The following IQGAP2 variants were observed in gnomAD, a reference collection of about 807,000 sequenced individuals.
IQGAP2 encodes the protein ras GTPase-activating-like protein IQGAP2.
Under a neutral mutation model 201.3 loss-of-function variants are expected in IQGAP2, and 173 were observed. The ratio of observed to expected loss-of-function variants is 0.86; its 90% CI spans 0.76 to 0.98. The LOEUF is 0.98. Ranked by LOEUF, IQGAP2 falls within the 50% of genes least tolerant of loss-of-function variation. IQGAP2 has a pLI of 0.00. For synonymous variants in IQGAP2, 675 were observed against 673.9 expected, an observed-to-expected ratio of 1.00 and a Z score of -0.03; for missense variants, 1,687 against 1,864.8, an observed-to-expected ratio of 0.90 and a Z score of 1.76.
At chr5:76,545,759 G>A (rs1315460671) in intron 2 of IQGAP2, among the ~76,000 whole-genome samples, 2 of 152,036 alleles carry the variant, frequency 1.3e-5, no homozygotes, top group Admixed American at 6.6e-5. Context: ...TTTTACCCAG[G>A]TTTTTTCACA....
chr5:76,668,620 A>G (rs1744006225), intron 22 of IQGAP2, 61 bp from the exon 23 acceptor site: 1 of 1,348,902 alleles, frequency 7.4e-7, no homozygotes. Context: ...GTGCTTTAAT[A>G]ATATATTAAC....
In IQGAP2 at chr5:76,611,151, G is replaced by A. The variant is rs1748372966; in HGVS notation, c.1489G>A (p.Val497Ile). 3 of 1,612,512 alleles carry A rather than the reference G, an allele frequency of 1.9e-6. No individual in the cohort carries two copies. ...AGCCCATGCCCAGCACTACCAGGATGTTTTATACCATGCTAAATCACAGAA... is the reference window on the plus strand; with the variant it reads ...AGCCCATGCCCAGCACTACCAGGATATTTTATACCATGCTAAATCACAGAA... ...DPAHAQHYQD[V>I]LYHAKSQKLG... is the part of the protein sequence containing the mutation. Residue 497 changes from valine (V) to isoleucine (I), a missense_variant, in exon 13 of 36, where the codon GTT (valine) becomes ATT (isoleucine). Physicochemically the swap from Val to Ile is conservative, Grantham distance 29 (BLOSUM62 3). Transcript: ENST00000274364.
chr5:76,598,515 G>A lies in IQGAP2; in HGVS notation c.1071+913G>A, dbSNP rs1205406932. Reference sequence around the variant, plus strand: ...TAAAAAATATATAAATTAAAACACAGTACACTTATGATTTAAAATTAGATT... The same window carrying A: ...TAAAAAATATATAAATTAAAACACAATACACTTATGATTTAAAATTAGATT... On this transcript the variant is annotated intron_variant, in intron 10 of 35. Transcript: ENST00000274364. Among the ~76,000 whole-genome samples, 4 of 151,904 alleles carry A rather than the reference G, an allele frequency of 2.6e-5. No homozygotes were observed. In the South Asian group the frequency reaches 8.3e-4, roughly 32 times the overall value.
chr5:76,555,870 C>T (rs557297587), intron 2 of IQGAP2, among the ~76,000 whole-genome samples: 12 of 152,268 alleles, frequency 7.9e-5, no homozygotes, highest in African/African-American at 2.9e-4. Context: ...AGGGGTGGTG[C>T]ACCTCTCACA....
At chr5:76,544,921 C>T (rs1743003694) in intron 2 of IQGAP2, among the ~76,000 whole-genome samples, 1 of 151,816 alleles carries the variant, frequency 6.6e-6, no homozygotes, top group South Asian at 2.1e-4. Flanking sequence ...TAGTTATATA[C>T]AGTACATATA....
Position 76,623,936 on chromosome 5 carries a change from C to CTTTTTTTTTTT in IQGAP2, c.1522-3468_1522-3458dup, listed in dbSNP as rs368076875. On this transcript the variant is annotated intron_variant, in intron 13 of 35. Transcript: ENST00000274364. ...CGGGTGAGGATGGCGTTTGTTCAGG[C>CTTTTTTTTTTT]TTTTTTTTTTTTTTTTGCCTTATCT... 2.0e-5 allele frequency among the ~76,000 whole-genome samples: 2 copies of CTTTTTTTTTTT among 100,782 alleles called. 1 individual carries two copies. Among genetic ancestry groups the CTTTTTTTTTTT allele is most frequent in the Non-Finnish European group, 3.8e-5 (2 of 53,250 alleles). 66.1% of individuals were successfully genotyped at this position (100,782 alleles called of 152,430 possible).
intron 1 of IQGAP2, chr5:76,441,631 G>A: frequency 2.2e-6 from 1 of 455,912 alleles, no homozygotes; most frequent in Non-Finnish European, 2.9e-6. Flanking sequence ...TCCCATTCGA[G>A]CACTACCTTT....
chr5:76,652,039 A>G (rs2150428432), intron 17 of IQGAP2, among the ~76,000 whole-genome samples: 1 of 152,308 alleles, frequency 6.6e-6, no homozygotes, highest in East Asian at 1.9e-4. Context: ...AGTTACAAAG[A>G]TGTTTCAATA....
chr5:76,600,400 C>T (rs543233850), intron 10 of IQGAP2, among the ~76,000 whole-genome samples: 2 of 152,230 alleles, frequency 1.3e-5, no homozygotes, highest in Admixed American at 1.3e-4. Context: ...CCCAACCTTC[C>T]CTTAACCCTT....
intron 13 of IQGAP2, chr5:76,623,248 C>T (rs768780535): frequency 1.1e-5 from 18 of 1,613,770 alleles, no homozygotes; most frequent in Non-Finnish European, 1.4e-5. Flanking sequence ...ACCTGAGTCC[C>T]GTCTCTTAAA....
chr5:76,693,282 C>G (rs1746436653), intron 30 of IQGAP2, 73 bp from the exon 31 acceptor site: 2 of 956,952 alleles, frequency 2.1e-6, no homozygotes, highest in East Asian at 2.5e-5. Flanking sequence ...TTTGTGCACT[C>G]TCTTAGGAGA....
chr5:76,659,492 A>G (rs553414083), intron 21 of IQGAP2, among the ~76,000 whole-genome samples: 78 of 152,324 alleles, frequency 5.1e-4, no homozygotes, highest in African/African-American at 1.9e-3. Context: ...GTAAAGTTCA[A>G]CATTAGCCAA....
intron 2 of IQGAP2, among the ~76,000 whole-genome samples, chr5:76,498,715 A>G (rs546184109): frequency 6.6e-6 from 1 of 152,204 alleles, no homozygotes; most frequent in African/African-American, 2.4e-5. Flanking sequence ...TGGTTTTGGC[A>G]TACTGCTATT....
intron 2 of IQGAP2, among the ~76,000 whole-genome samples, chr5:76,506,599 T>C (rs79916959): frequency 0.015 from 2,320 of 152,346 alleles, 51 homozygotes; most frequent in African/African-American, 0.053. Flanking sequence ...TCTAACTTAT[T>C]GTCTCAAGAA....
At chr5:76,604,141 C>G (rs1747626187) in intron 11 of IQGAP2, among the ~76,000 whole-genome samples, 1 of 152,022 alleles carries the variant, frequency 6.6e-6, no homozygotes, top group Admixed American at 6.6e-5. Flanking sequence ...TCCCCACCCC[C>G]TGACATGCCT....
intron 2 of IQGAP2, among the ~76,000 whole-genome samples, chr5:76,549,234 A>G (rs929043372): frequency 5.9e-5 from 9 of 151,478 alleles, no homozygotes; most frequent in South Asian, 4.1e-4. Context: ...AGATTAGGAA[A>G]CAGACTCAGA....
rs566356918 is a variant in IQGAP2, at chr5:76,548,777, A to G, written c.147-13619A>G. On this transcript the variant is annotated intron_variant, in intron 2 of 35. Transcript: ENST00000274364. Reference sequence around the variant, plus strand: ...TAAATGTGAGCTGCAATTGTTTGCCATTGGCATTATCAGTAGAGTGGGAGT... The same window carrying G: ...TAAATGTGAGCTGCAATTGTTTGCCGTTGGCATTATCAGTAGAGTGGGAGT... Among the ~76,000 whole-genome samples, 4 of 152,308 alleles carry G rather than the reference A, an allele frequency of 2.6e-5. No homozygotes were observed. The East Asian group carries it at 7.7e-4, about 29-fold the overall frequency.
chr5:76,410,322 A>G (rs1751040276), intron 1 of IQGAP2, among the ~76,000 whole-genome samples: 1 of 152,204 alleles, frequency 6.6e-6, no homozygotes, highest in Non-Finnish European at 1.5e-5. Context: ...TATATAGGCA[A>G]TAAAGGACAA....
At chr5:76,699,564 A>G (rs946871347) in intron 33 of IQGAP2, 6 of 144,666 alleles carry the variant, frequency 4.1e-5, no homozygotes, top group African/African-American at 1.6e-4. Context: ...GGCTCCCACT[A>G]GTCCTGAATT....
Sources: gnomAD v4.1 joint callset for allele counts (sites outside exome capture counted in the v4.1 genomes callset) on GRCh38, gnomAD v4.1.1 for gene constraint, MANE v1.5 for transcripts, NCBI Gene and HGNC (gene_info 2026-07-23, HGNC 2026-07-21) for gene names.